TDRD5: variants seen among roughly 807,000 people sequenced by gnomAD.
TDRD5 encodes tudor domain containing 5.
In TDRD5, 41 loss-of-function variants were observed where a neutral mutation model predicts 120.6. That is an observed-to-expected ratio of 0.34 (90% CI 0.26 to 0.44). TDRD5 has a LOEUF of 0.44. Ranked by LOEUF, TDRD5 falls within the 20% of genes least tolerant of loss-of-function variation. TDRD5 has a pLI of 1.00. For synonymous variants in TDRD5, 430 were observed against 433.7 expected (o/e 0.99, Z 0.11); for missense variants, 1,006 against 1,221.2 (o/e 0.82, Z 2.63).
intron 3 of TDRD5, among the ~76,000 whole-genome samples, chr1:179,594,897 CT>C (rs1485528085): frequency 1.3e-5 from 2 of 152,238 alleles, no homozygotes; most frequent in African/African-American, 4.8e-5. Flanking sequence ...TACTATTACA[CT>C]TGCAAGAGAT....
intron 7 of TDRD5, among the ~76,000 whole-genome samples, chr1:179,631,253 G>A (rs529612206): frequency 2.0e-5 from 3 of 152,114 alleles, no homozygotes; most frequent in African/African-American, 4.8e-5. Context: ...CTAGCCAGGC[G>A]TGGTGGTGGG....
intron 17 of TDRD5, among the ~76,000 whole-genome samples, chr1:179,676,276 G>A (rs1680142590): frequency 6.6e-6 from 1 of 152,202 alleles, no homozygotes; most frequent in Non-Finnish European, 1.5e-5. Context: ...GAAGGCAGCA[G>A]AAACTTGGTT....
intron 4 of TDRD5, among the ~76,000 whole-genome samples, chr1:179,603,558 C>T (rs10913828): frequency 0.1 from 15,551 of 152,030 alleles, 926 homozygotes; most frequent in African/African-American, 0.16. Context: ...CCTTGTGTAC[C>T]GATTTTGCTG....
At chr1:179,628,483 A>ATTTTTTTTT (rs1677261356) in intron 6 of TDRD5, among the ~76,000 whole-genome samples, 1 of 148,186 alleles carries the variant, frequency 6.7e-6, no homozygotes. Context: ...TTTTTTTTTA[A>ATTTTTTTTT]GTTGTAGAGG....
intron 4 of TDRD5, among the ~76,000 whole-genome samples, chr1:179,612,872 G>A (rs1197620342): frequency 6.7e-6 from 1 of 149,032 alleles, no homozygotes; most frequent in Non-Finnish European, 1.5e-5. Flanking sequence ...GGAGGCAGAG[G>A]TTGCAGTGAG....
chr1:179,671,834 G>A (rs914980054), intron 17 of TDRD5, among the ~76,000 whole-genome samples: 67 of 152,132 alleles, frequency 4.4e-4, no homozygotes, highest in African/African-American at 1.5e-3. Context: ...GAGAACATAC[G>A]ATATTTGGTT....
At chr1:179,671,992 G>GTGTGTA (rs927077923) in intron 17 of TDRD5, among the ~76,000 whole-genome samples, 7 of 141,294 alleles carry the variant, frequency 5.0e-5, no homozygotes, top group South Asian at 2.2e-4. Flanking sequence ...GTGTGTGTGT[G>GTGTGTA]TATCACATTT....
At chr1:179,594,507 T>C (rs915826962) in intron 3 of TDRD5, among the ~76,000 whole-genome samples, 46 of 152,234 alleles carry the variant, frequency 3.0e-4, no homozygotes, top group African/African-American at 1.1e-3. Flanking sequence ...CCAGCTCTTA[T>C]TGCTGCCCAT....
chr1:179,642,280 TG>T (rs1678095757), intron 11 of TDRD5, among the ~76,000 whole-genome samples: 1 of 151,938 alleles, frequency 6.6e-6, no homozygotes, highest in African/African-American at 2.4e-5. Context: ...TTTTTATTTT[TG>T]TAGAGGTGGG....
At position 179,690,754 on chromosome 1, in the gene TDRD5, A is replaced by G. The variant is rs747224972; in HGVS notation, c.2919A>G (p.Thr973=). Residue 973 remains threonine (T), a synonymous_variant, in exon 18 of 18, where the codon ACA becomes ACG. Transcript: ENST00000444136. ...NEDFSSSRAI[T]LYKDKRQESV... is the part of the protein sequence containing the mutation. ...ATTTTTCTAGCAGCCGTGCTATTAC[A>G]TTGTACAAAGACAAGCGTCAAGAAT... 1.9e-6 allele frequency: 3 copies of G among 1,614,242 alleles called. No individual in the cohort carries two copies. Among genetic ancestry groups the G allele is most frequent in the African/African-American group, 1.3e-5 (1 of 75,062 alleles).
chr1:179,593,893 C>T, intron 3 of TDRD5, 26 bp downstream of exon 3: 1 of 1,599,938 alleles, frequency 6.3e-7, no homozygotes, highest in South Asian at 1.1e-5. Flanking sequence ...AATGTTGGAG[C>T]AGTCATGGCA....
intron 16 of TDRD5, among the ~76,000 whole-genome samples, chr1:179,668,812 G>A (rs890991559): frequency 8.4e-5 from 12 of 142,536 alleles, no homozygotes; most frequent in Admixed American, 7.8e-4. Flanking sequence ...GCGCAACCTC[G>A]GCTCACTGCA....
At chr1:179,625,232 T>G (rs1677060842) in intron 6 of TDRD5, among the ~76,000 whole-genome samples, 1 of 151,862 alleles carries the variant, frequency 6.6e-6, no homozygotes, top group African/African-American at 2.4e-5. Flanking sequence ...GGTCTAAAAC[T>G]TCCAGGTGAA....
intron 8 of TDRD5, among the ~76,000 whole-genome samples, chr1:179,635,241 G>A (rs367712942): frequency 3.9e-5 from 6 of 152,300 alleles, no homozygotes; most frequent in Admixed American, 2.6e-4. Context: ...GAGTATTTGA[G>A]AAATCCTGCT....
At chr1:179,652,781 T>A (rs1027252579) in intron 13 of TDRD5, among the ~76,000 whole-genome samples, 1 of 152,182 alleles carries the variant, frequency 6.6e-6, no homozygotes, top group African/African-American at 2.4e-5. Flanking sequence ...ATCTCAAAAT[T>A]TTTGAGTCCT....
intron 7 of TDRD5, among the ~76,000 whole-genome samples, chr1:179,633,821 G>A (rs1677598243): frequency 6.6e-6 from 1 of 152,002 alleles, no homozygotes; most frequent in Non-Finnish European, 1.5e-5. Flanking sequence ...TGTTTAATTT[G>A]AACAAGAAGT....
At chr1:179,604,093 A>G (rs1168963585) in intron 4 of TDRD5, among the ~76,000 whole-genome samples, 1 of 151,842 alleles carries the variant, frequency 6.6e-6, no homozygotes, top group Non-Finnish European at 1.5e-5. Context: ...ATTCTTCCTG[A>G]CTTAAGCTAG....
intron 17 of TDRD5, among the ~76,000 whole-genome samples, chr1:179,677,257 G>C (rs1342359062): frequency 1.3e-5 from 2 of 151,806 alleles, no homozygotes; most frequent in African/African-American, 2.4e-5. Context: ...TTCATATCCT[G>C]TATCATGTTT....
chr1:179,616,184 C>T (rs1248363750), intron 4 of TDRD5, among the ~76,000 whole-genome samples: 2 of 152,102 alleles, frequency 1.3e-5, no homozygotes, highest in Admixed American at 6.6e-5. Flanking sequence ...TCTGTAATCA[C>T]CATCCTGCCA....
Sources: allele counts gnomAD v4.1 joint callset (sites outside exome capture counted in the v4.1 genomes callset), GRCh38; gene constraint gnomAD v4.1.1; transcripts MANE v1.5; gene names NCBI Gene and HGNC (gene_info 2026-07-23, HGNC 2026-07-21).